Variants in PCDHGB6 observed in about 807,000 individuals in gnomAD.
The protein encoded by PCDHGB6 is protocadherin gamma subfamily B, 6.
In PCDHGB6, 51 loss-of-function variants were observed where a neutral mutation model predicts 59.1. The ratio of observed to expected loss-of-function variants is 0.86; its 90% CI spans 0.69 to 1.09. PCDHGB6 has a LOEUF of 1.09. Ranked by LOEUF, PCDHGB6 falls within the 50% of genes least tolerant of loss-of-function variation. The pLI is 0.00. For synonymous variants in PCDHGB6, 466 were observed against 495.1 expected (o/e 0.94, Z 0.78); for missense variants, 1,148 against 1,205.1 (o/e 0.95, Z 0.70).
Position 141,489,712 on chromosome 5 carries a change from C to G in PCDHGB6, c.2419-5095C>G. On this transcript the variant is annotated intron_variant, in intron 1 of 3. Transcript: ENST00000520790. The surrounding 1 kb of genome is among the most constrained non-coding windows in gnomAD (Gnocchi z 4.5). ...GGCACGATTCCCACTGGACAGTGCC[C>G]AGGATCCGGATGTGGGCACCAATAC... The G allele has an allele frequency of 6.2e-7, 1 of 1,614,162 alleles. No individual in the cohort carries two copies. Among genetic ancestry groups the G allele is most frequent in the South Asian group, 1.1e-5 (1 of 91,078 alleles).
rs751874380 is a variant in PCDHGB6 at position 141,486,055 on chromosome 5, C to A, written c.2419-8752C>A. ...CTGATCGTGTAAGAAACCTCTTTAG[C>A]CTGCACCCCACTACTGGAAAGCTTA... On this transcript the variant is annotated intron_variant, in intron 1 of 3. Transcript: ENST00000520790. The surrounding 1 kb of genome is among the most constrained non-coding windows in gnomAD (Gnocchi z 5.0). The A allele has an allele frequency of 6.2e-7, 1 of 1,614,170 alleles. No individual in the cohort carries two copies. Among genetic ancestry groups the A allele is most frequent in the South Asian group, 1.1e-5 (1 of 91,072 alleles).
intron 1 of PCDHGB6, chr5:141,478,773 T>C (rs975950601): frequency 1.3e-6 from 2 of 1,496,766 alleles, no homozygotes; most frequent in African/African-American, 2.8e-5. Context: ...GACTCATCTG[T>C]GGACCTAATT....
chr5:141,421,280 G>T (rs564480755), intron 1 of PCDHGB6: 1 of 1,612,948 alleles, frequency 6.2e-7, no homozygotes, highest in African/African-American at 1.3e-5. Context: ...CTGCTGCTGT[G>T]CATTTTCCTG....
At chr5:141,451,880 A>G (rs1322052501) in intron 1 of PCDHGB6, among the ~76,000 whole-genome samples, 1 of 152,106 alleles carries the variant, frequency 6.6e-6, no homozygotes, top group East Asian at 1.9e-4. Flanking sequence ...AACCCTGTCA[A>G]GAAAGAAAGG....
intron 2 of PCDHGB6, among the ~76,000 whole-genome samples, chr5:141,500,176 A>G (rs922155744): frequency 1.4e-5 from 2 of 145,916 alleles, no homozygotes; most frequent in Admixed American, 1.4e-4. Flanking sequence ...CATGAGCTTC[A>G]TTTTTATTTT....
At chr5:141,481,703 C>T (rs909197135) in intron 1 of PCDHGB6, among the ~76,000 whole-genome samples, 1 of 152,090 alleles carries the variant, frequency 6.6e-6, no homozygotes, top group Admixed American at 6.5e-5. Context: ...CCTGTAATCC[C>T]AGCACTTTGG....
chr5:141,409,714 CG>C lies in PCDHGB6; in HGVS notation c.1513del (p.Val505CysfsTer3). 1 of 1,613,226 alleles carries C rather than the reference CG, an allele frequency of 6.2e-7. No homozygotes were observed. Among genetic ancestry groups the C allele is most frequent in the Non-Finnish European group, 8.5e-7 (1 of 1,179,880 alleles). On this transcript the variant is annotated frameshift_variant, in exon 1 of 4. Coordinates refer to ENST00000520790, the MANE Select transcript of PCDHGB6 (RefSeq NM_018926.3). LOFTEE classifies it high-confidence loss of function. ...DLEPLAVSSY[V>X]SVSAQSGVVF... ...TAGAGCCCCTGGCGGTGTCGTCATACGTGTCAGTGAGCGCGCAGAGCGGGGT... is the reference window on the plus strand; with the variant it reads ...TAGAGCCCCTGGCGGTGTCGTCATACTGTCAGTGAGCGCGCAGAGCGGGGT...
intron 1 of PCDHGB6, among the ~76,000 whole-genome samples, chr5:141,454,796 A>ATTTTTTTTTTT (rs61612330): frequency 0.014 from 1,093 of 77,476 alleles, 165 homozygotes; most frequent in African/African-American, 0.018. Flanking sequence ...CATGGTTCTA[A>ATTTTTTTTTTT]TTTTTTTTTT....
rs148119281 is a variant in PCDHGB6, at chr5:141,511,006, C to T, written c.2626C>T (p.Arg876Cys). The T allele has an allele frequency of 3.5e-5, 56 of 1,614,078 alleles. No individual in the cohort carries two copies. Among genetic ancestry groups the T allele is most frequent in the African/African-American group, 5.3e-5 (4 of 74,922 alleles). The change falls in exon 4 of 4, where the codon CGC (arginine) becomes TGC (cysteine). Residue 876 changes from arginine to cysteine, a missense_variant. By Grantham distance (180) the Arg-to-Cys change is radical. This residue lies in a region of PCDHGB6 where 283 missense variants were observed against 318.6 expected (regional missense o/e 0.89). Transcript: ENST00000520790. Reference protein sequence around the residue: ...GGAGTMGLSARYGPQFTLQHV... With the variant: ...GGAGTMGLSACYGPQFTLQHV... ...TGCCGGCACCATGGGATTGAGCGCC[C>T]GCTACGGACCCCAGTTCACCCTGCA...
intron 1 of PCDHGB6, chr5:141,419,467 C>T: frequency 6.2e-7 from 1 of 1,612,476 alleles, no homozygotes; most frequent in Non-Finnish European, 8.5e-7. Context: ...AGGCCCGCGA[C>T]CAGGGCTCGC....
intron 1 of PCDHGB6, chr5:141,415,862 A>G: frequency 1.8e-6 from 2 of 1,107,350 alleles, no homozygotes; most frequent in Non-Finnish European, 1.2e-6. Flanking sequence ...TGTAGTTTAT[A>G]GTGTTGTTGA....
At chr5:141,450,885 T>C (rs1262944058) in intron 1 of PCDHGB6, among the ~76,000 whole-genome samples, 1 of 149,238 alleles carries the variant, frequency 6.7e-6, no homozygotes, top group African/African-American at 2.5e-5. Context: ...TGTGCAGTGG[T>C]GCGATATCGG....
At position 141,497,209 on chromosome 5, in the gene PCDHGB6, T is replaced by TG. The variant is rs11343387; in HGVS notation, c.2477+2353dup. On this transcript the variant is annotated intron_variant, in intron 2 of 3. Coordinates refer to ENST00000520790, the MANE Select transcript of PCDHGB6 (RefSeq NM_018926.3). ...GAGGCAGAGAACAATGTGAGTGTAA[T>TG]GGGGGGGGGAAGATCAGAGAAGGCT... Among the ~76,000 whole-genome samples the TG allele has an allele frequency of 1.3e-3, 196 of 151,342 alleles. 1 individual carries two copies. The South Asian group carries it at 0.02, about 15-fold the overall frequency.
intron 1 of PCDHGB6, among the ~76,000 whole-genome samples, chr5:141,492,221 G>C (rs62379206): frequency 0.18 from 27,189 of 152,134 alleles, 2,633 homozygotes; most frequent in Admixed American, 0.28. Context: ...GGGCTCATGC[G>C]TGTCCTCCCT....
Position 141,509,375 on chromosome 5 carries a change from T to C in PCDHGB6, c.2567-1572T>C, listed in dbSNP as rs1450730489. Among the ~76,000 whole-genome samples, 6 of 152,168 alleles carry C rather than the reference T, an allele frequency of 3.9e-5. No homozygotes were observed. In the East Asian group the frequency reaches 1.2e-3, roughly 29 times the overall value. On this transcript the variant is annotated intron_variant, in intron 3 of 3. Coordinates refer to ENST00000520790, the MANE Select transcript of PCDHGB6 (RefSeq NM_018926.3). ...GGGCATCCCTGAGGTTTTAACTGTC[T>C]CCTAACCACAGAGGATCTCAGGGCC...
chr5:141,419,933 C>CTGG (rs1192896428), intron 1 of PCDHGB6: 1 of 1,613,952 alleles, frequency 6.2e-7, no homozygotes, highest in African/African-American at 1.3e-5. Context: ...GCAGTTTTAC[C>CTGG]TGGTGGTGGC....
At chr5:141,423,357 C>A in intron 1 of PCDHGB6, 1 of 1,614,214 alleles carries the variant, frequency 6.2e-7, no homozygotes, top group Non-Finnish European at 8.5e-7. Flanking sequence ...TCTTTGTCAT[C>A]GTGCTGCTGG....
At chr5:141,499,880 G>A (rs1177287013) in intron 2 of PCDHGB6, among the ~76,000 whole-genome samples, 1 of 151,886 alleles carries the variant, frequency 6.6e-6, no homozygotes, top group African/African-American at 2.4e-5. Flanking sequence ...TACAAACAGG[G>A]TTTCGCCATG....
Position 141,512,738 on chromosome 5 carries a change from C to A in PCDHGB6, c.*1565C>A, listed in dbSNP as rs1350606944. 2 of 152,840 alleles carry A rather than the reference C, an allele frequency of 1.3e-5. No individual in the cohort carries two copies. The highest frequency in any genetic ancestry group is 2.1e-4 in the South Asian group (1 of 4,838). The allele number at this position is 152,840 out of a possible 1,614,324, so 9.5% of individuals were successfully genotyped here. A position where few individuals can be genotyped will look rare whatever the true frequency, so the allele number is the denominator to read the frequency against. On this transcript the variant is annotated 3_prime_UTR_variant, in exon 4 of 4. Transcript: ENST00000520790. ...TGGCGGGTGGGCAGCGGGCGGCGGG[C>A]TCCGCGCAGCCGTCTGTCCTTGATC...
Sources: allele counts gnomAD v4.1 joint callset (sites outside exome capture counted in the v4.1 genomes callset), GRCh38; gene constraint gnomAD v4.1.1; regional missense constraint gnomAD v4.1.1; non-coding constraint Gnocchi (gnomAD v3.1); transcripts MANE v1.5; gene names NCBI Gene and HGNC (gene_info 2026-07-23, HGNC 2026-07-21).